The following NELL1 variants were observed in gnomAD, a reference collection of about 807,000 sequenced individuals.
NELL1 encodes the protein neural EGFL like 1, also known as protein kinase C-binding protein NELL1.
A neutral mutation model predicts 107.4 loss-of-function variants in NELL1; 76 were observed. That is an observed-to-expected ratio of 0.71 (90% CI 0.59 to 0.86). The LOEUF (loss-of-function observed/expected upper bound fraction) is 0.86. Among genes scored for constraint, NELL1 ranks in the 40% least tolerant of loss-of-function variants. The pLI is 0.00. For synonymous variants in NELL1, 353 were observed against 341.2 expected (o/e 1.03, Z -0.38); for missense variants, 1,024 against 1,005.5 (o/e 1.02, Z -0.25).
rs546108651 is a variant in NELL1, at chr11:21,274,351, A to C, written c.1549+44897A>C. On this transcript the variant is annotated intron_variant, in intron 14 of 19. Coordinates refer to ENST00000357134, the MANE Select transcript of NELL1 (RefSeq NM_006157.5). Reference sequence around the variant, plus strand: ...ATCAATTCAACAAGAAGAGCTAACTATCCTAAATATATATGCACCCAATAC... The same window carrying C: ...ATCAATTCAACAAGAAGAGCTAACTCTCCTAAATATATATGCACCCAATAC... 6.6e-5 allele frequency among the ~76,000 whole-genome samples: 10 copies of C among 152,306 alleles called. No homozygotes were observed. The South Asian group carries it at 1.0e-3, about 16-fold the overall frequency.
In NELL1 at chr11:21,054,170, CCT is replaced by C. The variant is rs140950503; in HGVS notation, c.1301-59414_1301-59413del. Among the ~76,000 whole-genome samples, 1,357 of 151,732 alleles carry C rather than the reference CCT, an allele frequency of 8.9e-3. 34 individuals are homozygous for C. The East Asian group carries it at 0.1, about 12-fold the overall frequency. On this transcript the variant is annotated intron_variant, in intron 12 of 19. Transcript: ENST00000357134. ...CTTCCAATTTCTGCCTGTGTGTTTCCCTCTCTTTTTTTCTCTCTCTCTTACCC... is the reference window on the plus strand; with the variant it reads ...CTTCCAATTTCTGCCTGTGTGTTTCCCTCTTTTTTTCTCTCTCTCTTACCC...
chr11:21,209,592 T>C (rs1857458384), intron 13 of NELL1, among the ~76,000 whole-genome samples: 1 of 151,970 alleles, frequency 6.6e-6, no homozygotes, highest in African/African-American at 2.4e-5. Context: ...TTTTTAACAG[T>C]TTGTTAAGAT....
chr11:21,469,696 C>T (rs1485969082), intron 15 of NELL1, among the ~76,000 whole-genome samples: 1 of 151,988 alleles, frequency 6.6e-6, no homozygotes, highest in African/African-American at 2.4e-5. Flanking sequence ...TTTCAAATTG[C>T]TCAAAGTCCA....
chr11:20,678,002 C>G lies in NELL1; in HGVS notation c.126C>G (p.Thr42=), dbSNP rs867011768. ...CCGAGCTTGACCTTGTGAACACCAC[C>G]CTTGGAGTTGCTCAGGTGTCTGGAA... ...IVTELDLVNT[T]LGVAQVSGMH... is the part of the protein sequence containing the mutation. The change falls in exon 2 of 20, where the codon ACC becomes ACG. Residue 42 remains threonine (T), a synonymous_variant. Transcript: ENST00000357134. 2 of 1,614,052 alleles carry G rather than the reference C, an allele frequency of 1.2e-6. No homozygotes were observed.
intron 13 of NELL1, among the ~76,000 whole-genome samples, chr11:21,126,614 G>C (rs959874477): frequency 9.2e-5 from 14 of 152,128 alleles, no homozygotes; most frequent in African/African-American, 3.4e-4. Flanking sequence ...CTGAGTCCTA[G>C]GTGGTACTCA....
intron 13 of NELL1, among the ~76,000 whole-genome samples, chr11:21,206,936 C>T (rs1423747606): frequency 6.6e-6 from 1 of 152,166 alleles, no homozygotes; most frequent in Non-Finnish European, 1.5e-5. Context: ...CCACTCTCTT[C>T]ACAGTAGAGA....
At chr11:20,905,447 A>G (rs1161188553) in intron 5 of NELL1, among the ~76,000 whole-genome samples, 3 of 152,200 alleles carry the variant, frequency 2.0e-5, no homozygotes. Flanking sequence ...TTCCTGAGGA[A>G]GCACAGATGT....
chr11:20,810,736 A>G (rs1857485964), intron 3 of NELL1, among the ~76,000 whole-genome samples: 2 of 152,138 alleles, frequency 1.3e-5, no homozygotes, highest in African/African-American at 4.8e-5. Context: ...GATACCCAGT[A>G]GTGGGATTGC....
chr11:21,493,122 T>C (rs1854875345), intron 15 of NELL1, among the ~76,000 whole-genome samples: 1 of 152,012 alleles, frequency 6.6e-6, no homozygotes. Flanking sequence ...AAAAGGGAAC[T>C]CATACACTGT....
intron 9 of NELL1, among the ~76,000 whole-genome samples, chr11:20,930,803 A>AT (rs1463084066): frequency 9.4e-4 from 136 of 144,228 alleles, no homozygotes; most frequent in African/African-American, 3.6e-3. Flanking sequence ...CTAAAACATC[A>AT]GTTTTTTTTT....
intron 4 of NELL1, among the ~76,000 whole-genome samples, chr11:20,849,690 A>G (rs536930462): frequency 6.6e-6 from 1 of 152,336 alleles, no homozygotes; most frequent in South Asian, 2.1e-4. Context: ...CTGCTAGTTA[A>G]TGATTCGTAG....
chr11:21,299,708 G>A (rs557511449), intron 14 of NELL1, among the ~76,000 whole-genome samples: 77 of 151,914 alleles, frequency 5.1e-4, no homozygotes, highest in Non-Finnish European at 9.7e-4. Context: ...GGTCTTCATC[G>A]CAACTATTTA....
chr11:20,677,743 A>G (rs533867843), intron 1 of NELL1, among the ~76,000 whole-genome samples, 189 bp from the exon 2 acceptor site: 11 of 152,252 alleles, frequency 7.2e-5, no homozygotes, highest in Admixed American at 5.9e-4. Flanking sequence ...GGGGGAAGGA[A>G]CAAAGAAACT....
At chr11:21,135,273 A>G (rs1855720145) in intron 13 of NELL1, among the ~76,000 whole-genome samples, 2 of 152,210 alleles carry the variant, frequency 1.3e-5, no homozygotes, top group African/African-American at 2.4e-5. Context: ...AGGAAAAAAT[A>G]TATATCCTCT....
intron 14 of NELL1, among the ~76,000 whole-genome samples, chr11:21,293,687 T>A (rs1264048848): frequency 6.6e-6 from 1 of 152,102 alleles, no homozygotes; most frequent in Non-Finnish European, 1.5e-5. Flanking sequence ...AACCCAACTG[T>A]GCATCAGTGA....
intron 14 of NELL1, among the ~76,000 whole-genome samples, chr11:21,252,898 C>A (rs1045182490): frequency 6.6e-6 from 1 of 152,112 alleles, no homozygotes; most frequent in East Asian, 1.9e-4. Context: ...TCAGCACCTA[C>A]CCCTGATTAA....
At chr11:20,699,018 A>T (rs1854698077) in intron 2 of NELL1, among the ~76,000 whole-genome samples, 1 of 152,034 alleles carries the variant, frequency 6.6e-6, no homozygotes, top group African/African-American at 2.4e-5. Flanking sequence ...GGAGTTTGAG[A>T]CCAGCCTGGC....
chr11:21,337,824 C>CT (rs775604869), intron 14 of NELL1, among the ~76,000 whole-genome samples: 24 of 42,008 alleles, frequency 5.7e-4, no homozygotes, highest in African/African-American at 9.0e-4. Context: ...TTCCTTCTTT[C>CT]TTTCTTTCTT....
chr11:21,159,809 C>CCACT (rs1856322420), intron 13 of NELL1, among the ~76,000 whole-genome samples: 1 of 152,156 alleles, frequency 6.6e-6, no homozygotes, highest in Non-Finnish European at 1.5e-5. Context: ...AACACACCAC[C>CCACT]CACTATCTGT....
Sources: gnomAD v4.1 joint callset for allele counts (sites outside exome capture counted in the v4.1 genomes callset) on GRCh38, gnomAD v4.1.1 for gene constraint, MANE v1.5 for transcripts, NCBI Gene and HGNC (gene_info 2026-07-23, HGNC 2026-07-21) for gene names.